Variants in NLGN1 observed in about 807,000 individuals in gnomAD.
The protein encoded by NLGN1 is neuroligin-1.
NLGN1 carries 12 observed loss-of-function variants against 65.5 expected under a neutral mutation model. That is an observed-to-expected ratio of 0.18 (90% CI 0.12 to 0.30). The LOEUF is 0.30. Ranked by LOEUF, NLGN1 falls within the 10% of genes least tolerant of loss-of-function variation. NLGN1 has a pLI of 1.00. For missense variants in NLGN1, 750 were observed against 1,007.1 expected (o/e 0.74, Z 3.46); for synonymous variants, 350 against 359.5 (o/e 0.97, Z 0.30).
At chr3:173,544,968 T>C (rs1010877419) in intron 2 of NLGN1, among the ~76,000 whole-genome samples, 14 of 152,148 alleles carry the variant, frequency 9.2e-5, no homozygotes, top group Admixed American at 8.5e-4. Context: ...GATGGATCAA[T>C]ATATGATAAA....
At chr3:173,908,304 T>G (rs1738874005) in intron 4 of NLGN1, among the ~76,000 whole-genome samples, 1 of 152,116 alleles carries the variant, frequency 6.6e-6, no homozygotes. Flanking sequence ...ATACCAACCT[T>G]CCACCTCTGC....
At chr3:173,455,858 G>T (rs542032994) in intron 2 of NLGN1, among the ~76,000 whole-genome samples, 1 of 152,072 alleles carries the variant, frequency 6.6e-6, no homozygotes, top group African/African-American at 2.4e-5. Context: ...AGCAGAAGAC[G>T]CAGAAAAGCC....
rs191479135 is a variant in NLGN1 at position 174,146,693 on chromosome 3, G to C, written c.647-128622G>C. ...AGCGATTCTCCTGCCTCAGCCTCCC[G>C]AGTAGCTGGGATTACAGGCACCCGC... On this transcript the variant is annotated intron_variant, in intron 4 of 6. Transcript: ENST00000457714. 9.9e-3 allele frequency among the ~76,000 whole-genome samples: 1,493 copies of C among 151,130 alleles called. 9 individuals carry two copies. The highest frequency in any genetic ancestry group is 0.027 in the Middle Eastern group (8 of 294).
At chr3:173,451,872 A>G (rs1046000432) in intron 2 of NLGN1, among the ~76,000 whole-genome samples, 5 of 152,190 alleles carry the variant, frequency 3.3e-5, no homozygotes, top group African/African-American at 1.2e-4. Context: ...TGCGTGATAT[A>G]ATCTCCTGGT....
intron 2 of NLGN1, among the ~76,000 whole-genome samples, chr3:173,499,740 G>T (rs1730694383): frequency 6.6e-6 from 1 of 151,820 alleles, no homozygotes; most frequent in Non-Finnish European, 1.5e-5. Flanking sequence ...TTGAGCAGTG[G>T]TTTGTAGTTC....
chr3:174,287,619 G>A (rs1278791428), downstream of NLGN1, among the ~76,000 whole-genome samples: 9 of 151,460 alleles, frequency 5.9e-5, no homozygotes, highest in Admixed American at 5.9e-4. Flanking sequence ...TTTTCTAATG[G>A]AATGCTATAA....
At chr3:174,105,928 T>C (rs1189892643) in intron 4 of NLGN1, among the ~76,000 whole-genome samples, 7 of 152,112 alleles carry the variant, frequency 4.6e-5, no homozygotes, top group African/African-American at 1.7e-4. Context: ...AATTGCTCAA[T>C]GAAACAGAGG....
chr3:174,270,565 C>T (rs1454859156), intron 4 of NLGN1, among the ~76,000 whole-genome samples: 1 of 151,770 alleles, frequency 6.6e-6, no homozygotes, highest in Non-Finnish European at 1.5e-5. Context: ...TCTGTATAGC[C>T]ATGTCACCCC....
intron 4 of NLGN1, among the ~76,000 whole-genome samples, chr3:173,942,471 T>C (rs1385713465): frequency 6.6e-6 from 1 of 152,124 alleles, no homozygotes; most frequent in Non-Finnish European, 1.5e-5. Flanking sequence ...TTCAGGTCAT[T>C]GTGACATGGT....
At chr3:173,600,922 T>A (rs1246139493) in intron 2 of NLGN1, among the ~76,000 whole-genome samples, 1 of 152,020 alleles carries the variant, frequency 6.6e-6, no homozygotes, top group Non-Finnish European at 1.5e-5. Context: ...TACTCCTTTT[T>A]CTGAGTTTCT....
rs549670644 is a variant in NLGN1 at position 173,580,283 on chromosome 3, A to G, written c.-320-23996A>G. On this transcript the variant is annotated intron_variant, in intron 2 of 6. Transcript: ENST00000457714. ...TTCTATTTGGTATAGAAACCAAAAT[A>G]AGATATGTAATTCTAAGATGTTTTT... Among the ~76,000 whole-genome samples, 5 of 152,290 alleles carry G rather than the reference A, an allele frequency of 3.3e-5. No homozygotes were observed. The East Asian group carries it at 9.6e-4, about 29-fold the overall frequency.
chr3:173,959,040 G>A (rs1712870914), intron 4 of NLGN1, among the ~76,000 whole-genome samples: 1 of 152,226 alleles, frequency 6.6e-6, no homozygotes, highest in Non-Finnish European at 1.5e-5. Context: ...TTTGGACCCT[G>A]CAAGGGAAGG....
intron 2 of NLGN1, among the ~76,000 whole-genome samples, chr3:173,553,403 A>G (rs1319054742): frequency 6.6e-6 from 1 of 152,182 alleles, no homozygotes; most frequent in Non-Finnish European, 1.5e-5. Context: ...AGGATCAACA[A>G]ATAGAATTCA....
At chr3:173,842,206 C>T (rs560814752) in intron 4 of NLGN1, among the ~76,000 whole-genome samples, 80 of 152,268 alleles carry the variant, frequency 5.3e-4, no homozygotes, top group Non-Finnish European at 9.9e-4. Flanking sequence ...GCAGAAAAGA[C>T]GAGCCCACAT....
At chr3:173,612,774 T>G (rs1418835099) in intron 3 of NLGN1, among the ~76,000 whole-genome samples, 1 of 152,104 alleles carries the variant, frequency 6.6e-6, no homozygotes, top group Non-Finnish European at 1.5e-5. Context: ...GAATTGTTGT[T>G]GTTTTGCAGT....
At chr3:173,741,014 G>A (rs187726405) in intron 3 of NLGN1, among the ~76,000 whole-genome samples, 32 of 152,186 alleles carry the variant, frequency 2.1e-4, no homozygotes, top group African/African-American at 6.7e-4. Flanking sequence ...AAAATTAAGC[G>A]TTTATGAAAA....
At chr3:173,898,559 T>C (rs1347894385) in intron 4 of NLGN1, among the ~76,000 whole-genome samples, 2 of 152,230 alleles carry the variant, frequency 1.3e-5, no homozygotes, top group Non-Finnish European at 2.9e-5. Context: ...TGGTATGGCA[T>C]GTTAACATAC....
chr3:173,466,647 G>T (rs1397585640), intron 2 of NLGN1, among the ~76,000 whole-genome samples: 1 of 152,138 alleles, frequency 6.6e-6, no homozygotes, highest in Non-Finnish European at 1.5e-5. Flanking sequence ...AATATTTTTG[G>T]TGGAACCAAA....
At chr3:173,522,366 TTAGA>T (rs1734903882) in intron 2 of NLGN1, among the ~76,000 whole-genome samples, 1 of 152,222 alleles carries the variant, frequency 6.6e-6, no homozygotes, top group South Asian at 2.1e-4. Context: ...TGATGGACAC[TTAGA>T]TACTTAGATT....
Sources: gnomAD v4.1 joint callset for allele counts (sites outside exome capture counted in the v4.1 genomes callset) on GRCh38, gnomAD v4.1.1 for gene constraint, MANE v1.5 for transcripts, NCBI Gene and HGNC (gene_info 2026-07-23, HGNC 2026-07-21) for gene names.